WDR41: variants seen among roughly 807,000 people sequenced by gnomAD.
WDR41 encodes WD repeat domain 41, also known as WD repeat-containing protein 41.
In WDR41, 63 loss-of-function variants were observed where a neutral mutation model predicts 69.3. That is an observed-to-expected ratio of 0.91 (90% CI 0.74 to 1.12). The LOEUF (loss-of-function observed/expected upper bound fraction) is 1.12, where lower values mean the gene tolerates loss of function less well. Among genes scored for constraint, WDR41 ranks in the 50% most tolerant of loss-of-function variants. The pLI is 0.00. For synonymous variants in WDR41, 185 were observed against 192.1 expected (o/e 0.96, Z 0.31); for missense variants, 543 against 534.5 (o/e 1.02, Z -0.16).
intron 1 of WDR41, among the ~76,000 whole-genome samples, chr5:77,503,829 G>A (rs185568821): frequency 2.4e-3 from 372 of 152,254 alleles, no homozygotes; most frequent in African/African-American, 8.5e-3. Context: ...TGAAACCAAT[G>A]AGAACAAAGA....
At chr5:77,561,866 A>C (rs1743533165) in intron 1 of WDR41, among the ~76,000 whole-genome samples, 3 of 152,198 alleles carry the variant, frequency 2.0e-5, no homozygotes, top group African/African-American at 7.2e-5. Context: ...TCCTGATTGC[A>C]GTAACAATAT....
intron 1 of WDR41, among the ~76,000 whole-genome samples, chr5:77,577,690 A>G (rs1743859012): frequency 6.6e-6 from 1 of 152,196 alleles, no homozygotes; most frequent in Non-Finnish European, 1.5e-5. Context: ...ATATTGCAGC[A>G]CTGTTCCTAG....
At chr5:77,615,810 T>C (rs1051767959) in intron 1 of WDR41, among the ~76,000 whole-genome samples, 1 of 149,962 alleles carries the variant, frequency 6.7e-6, no homozygotes, top group South Asian at 2.1e-4. Flanking sequence ...CTGGCCAACA[T>C]AGTGAAACCC....
At position 77,489,574 on chromosome 5, in the gene WDR41, T is replaced by C. The variant is rs201202661; in HGVS notation, c.52-2A>G. On this transcript the variant is annotated splice_acceptor_variant, in intron 1 of 12. Coordinates refer to ENST00000296679, the MANE Select transcript of WDR41 (RefSeq NM_018268.4). LOFTEE classifies it high-confidence loss of function. ...ACCTATTGTCTGTAAAGGAGATTTCTTGTATTGAAAAAAAAAAAAAAGCAA... is the reference window on the plus strand; with the variant it reads ...ACCTATTGTCTGTAAAGGAGATTTCCTGTATTGAAAAAAAAAAAAAAGCAA... The C allele has an allele frequency of 1.9e-4, 279 of 1,500,574 alleles. 1 individual carries two copies. Among genetic ancestry groups the C allele is most frequent in the Non-Finnish European group, 6.1e-5 (69 of 1,137,220 alleles). The allele number at this position is 1,500,574 out of a possible 1,614,324, so 93.0% of individuals were successfully genotyped here.
chr5:77,519,794 A>G (rs1802346211), intron 1 of WDR41, among the ~76,000 whole-genome samples: 2 of 151,766 alleles, frequency 1.3e-5, no homozygotes, highest in East Asian at 1.9e-4. Context: ...ATTTTTCCTT[A>G]TAACTTTCAT....
At chr5:77,616,121 C>CT (rs879611070) in intron 1 of WDR41, among the ~76,000 whole-genome samples, 91 of 143,180 alleles carry the variant, frequency 6.4e-4, no homozygotes, top group Admixed American at 6.3e-4. Context: ...CCCACTCTGT[C>CT]TTTTTTTTTT....
At chr5:77,601,264 T>G (rs1744319395) in intron 1 of WDR41, among the ~76,000 whole-genome samples, 1 of 152,106 alleles carries the variant, frequency 6.6e-6, no homozygotes, top group Non-Finnish European at 1.5e-5. Flanking sequence ...ACTTGACCCT[T>G]TATTAAATTT....
chr5:77,573,704 G>A lies in WDR41; in HGVS notation c.42+46775C>T, dbSNP rs899864877. ...ATAGAAAGGGGGAGAGATGAGGAGG[G>A]GGAAGGAGATTAAAAGAGACTAACT... On this transcript the variant is annotated intron_variant, in intron 1 of 5. Coordinates refer to the WDR41 transcript ENST00000509971. Among the ~76,000 whole-genome samples, 7 of 152,232 alleles carry A rather than the reference G, an allele frequency of 4.6e-5. No homozygotes were observed. The South Asian group carries it at 1.5e-3, about 32-fold the overall frequency.
In WDR41 at chr5:77,492,260, A is replaced by T; in HGVS notation, c.-40T>A. On this transcript the variant is annotated 5_prime_UTR_variant, in exon 1 of 13. Transcript: ENST00000296679. The stretch of plus-strand genomic sequence containing the variant: ...CGTCTTGCCCGGTCCAGCCCCAGTC[A>T]GCCCAAACTCCGCCCCAGGCTCGGC... 1 of 1,609,798 alleles carries T rather than the reference A, an allele frequency of 6.2e-7. No homozygotes were observed. Among genetic ancestry groups the T allele is most frequent in the Non-Finnish European group, 8.5e-7 (1 of 1,178,542 alleles).
chr5:77,505,035 C>A (rs923731768), intron 1 of WDR41, among the ~76,000 whole-genome samples: 1 of 152,142 alleles, frequency 6.6e-6, no homozygotes, highest in African/African-American at 2.4e-5. Flanking sequence ...GGCAATCAGG[C>A]AAGAGAAAGA....
intron 1 of WDR41, among the ~76,000 whole-genome samples, chr5:77,596,578 G>A (rs1262640078): frequency 6.6e-6 from 1 of 151,878 alleles, no homozygotes; most frequent in African/African-American, 2.4e-5. Flanking sequence ...GCCCAGGCTG[G>A]TCTTGAACTC....
In WDR41 at chr5:77,436,249, A is replaced by G. The variant is rs558007488; in HGVS notation, c.1227+12T>C. 6.9e-6 allele frequency: 11 copies of G among 1,604,564 alleles called. No homozygotes were observed. The South Asian group carries it at 8.9e-5, about 13-fold the overall frequency. ...GGAGTTGCTTGGACATTCTGTGGCT[A>G]AACAGCAATACCTCCACAGATGATG... On this transcript the variant is annotated intron_variant, in intron 12 of 12. Coordinates refer to ENST00000296679, the MANE Select transcript of WDR41 (RefSeq NM_018268.4).
At chr5:77,556,528 C>G (rs1201258012) in intron 1 of WDR41, among the ~76,000 whole-genome samples, 1 of 151,522 alleles carries the variant, frequency 6.6e-6, no homozygotes, top group Non-Finnish European at 1.5e-5. Flanking sequence ...CTACGTGTAG[C>G]CCCCAAGTAG....
At chr5:77,471,937 T>C (rs529779624) in intron 2 of WDR41, among the ~76,000 whole-genome samples, 4 of 152,146 alleles carry the variant, frequency 2.6e-5, no homozygotes, top group Non-Finnish European at 5.9e-5. Flanking sequence ...GCCAGCATCA[T>C]CCTGATACCA....
At chr5:77,486,505 T>C (rs374573803) in intron 2 of WDR41, among the ~76,000 whole-genome samples, 1 of 152,330 alleles carries the variant, frequency 6.6e-6, no homozygotes, top group African/African-American at 2.4e-5. Flanking sequence ...ACCCACTCAC[T>C]GAATTTGTGC....
At chr5:77,521,104 A>G (rs57848553) in intron 1 of WDR41, among the ~76,000 whole-genome samples, 3,453 of 152,116 alleles carry the variant, frequency 0.023, 113 homozygotes, top group African/African-American at 0.075. Flanking sequence ...CTTTTAAGCC[A>G]GCAGTCCCCA....
chr5:77,483,729 A>G lies in WDR41; in HGVS notation c.167+5728T>C, dbSNP rs76365642. On this transcript the variant is annotated intron_variant, in intron 2 of 12. Coordinates refer to ENST00000296679, the MANE Select transcript of WDR41 (RefSeq NM_018268.4). The stretch of plus-strand genomic sequence containing the variant: ...TTCTTCAGAGAAATTTCTTCTCGTC[A>G]ATTATTACTGATCCCAAGACACAGT... 5.9e-5 allele frequency among the ~76,000 whole-genome samples: 9 copies of G among 152,266 alleles called. No individual in the cohort carries two copies. In the East Asian group the frequency reaches 1.7e-3, roughly 29 times the overall value.
chr5:77,575,319 A>G (rs981748298), intron 1 of WDR41, among the ~76,000 whole-genome samples: 4 of 152,238 alleles, frequency 2.6e-5, no homozygotes, highest in Non-Finnish European at 5.9e-5. Flanking sequence ...GAGATAATTT[A>G]GAGGCCTATA....
intron 5 of WDR41, among the ~76,000 whole-genome samples, chr5:77,455,734 G>A (rs899646156): frequency 2.6e-5 from 4 of 152,088 alleles, no homozygotes; most frequent in Non-Finnish European, 5.9e-5. Context: ...GGTTCTTGGC[G>A]CTCTTGTCAA....
Sources: gnomAD v4.1 joint callset for allele counts (sites outside exome capture counted in the v4.1 genomes callset) on GRCh38, gnomAD v4.1.1 for gene constraint, MANE v1.5 for transcripts, NCBI Gene and HGNC (gene_info 2026-07-23, HGNC 2026-07-21) for gene names.